Variants in BICC1 observed in about 807,000 individuals in gnomAD.
The protein encoded by BICC1 is BicC family RNA binding protein 1, also known as protein bicaudal C homolog 1.
BICC1 carries 43 observed loss-of-function variants against 111.0 expected under a neutral mutation model. That is an observed-to-expected ratio of 0.39 (90% CI 0.30 to 0.50). BICC1 has a LOEUF of 0.50. BICC1 is among the 20% of genes least tolerant of loss of function. The pLI is 0.88. For missense variants in BICC1, 1,091 were observed against 1,203.2 expected, an observed-to-expected ratio of 0.91 and a Z score of 1.38; for synonymous variants, 467 against 434.4, an observed-to-expected ratio of 1.07 and a Z score of -0.93.
At position 58,830,927 on chromosome 10, in the gene BICC1, A is replaced by C. The variant is rs929101457; in HGVS notation, c.*2036A>C. The stretch of plus-strand genomic sequence containing the variant: ...TACTCTAAATGTTGTTATGCTTTTA[A>C]TAAGACCTTCCCAGATAATAATCTT... On this transcript the variant is annotated 3_prime_UTR_variant, in exon 21 of 21. Coordinates refer to ENST00000373886, the MANE Select transcript of BICC1 (RefSeq NM_001080512.3). 1 of 152,222 alleles carries C rather than the reference A, an allele frequency of 6.6e-6. No individual in the cohort carries two copies. Among genetic ancestry groups the C allele is most frequent in the African/African-American group, 2.4e-5 (1 of 41,458 alleles). The allele number at this position is 152,222 out of a possible 1,614,324, so 9.4% of individuals were successfully genotyped here.
At chr10:58,815,489 C>T (rs1267596676) in intron 18 of BICC1, among the ~76,000 whole-genome samples, 1 of 151,904 alleles carries the variant, frequency 6.6e-6, no homozygotes, top group African/African-American at 2.4e-5. Context: ...TTTGGTGCTT[C>T]TCTTTTTCTA....
At chr10:58,646,386 A>G (rs180720983) in intron 2 of BICC1, among the ~76,000 whole-genome samples, 38 of 152,210 alleles carry the variant, frequency 2.5e-4, no homozygotes, top group African/African-American at 8.4e-4. Flanking sequence ...TAAATGACCT[A>G]TTTGTTTGGG....
At chr10:58,743,426 C>T (rs542499077) in intron 3 of BICC1, among the ~76,000 whole-genome samples, 1 of 151,238 alleles carries the variant, frequency 6.6e-6, no homozygotes, top group Non-Finnish European at 1.5e-5. Context: ...GCCTCTTCCC[C>T]TCTCTCTAAA....
intron 3 of BICC1, among the ~76,000 whole-genome samples, chr10:58,717,564 G>A (rs1353617291): frequency 6.6e-6 from 1 of 152,064 alleles, no homozygotes; most frequent in African/African-American, 2.4e-5. Context: ...TTCTATATAA[G>A]CACGTAAACA....
chr10:58,606,089 C>T (rs889312012), intron 1 of BICC1, among the ~76,000 whole-genome samples: 3 of 152,178 alleles, frequency 2.0e-5, no homozygotes, highest in East Asian at 3.9e-4. Context: ...CTCTTTGAGG[C>T]CTGTTGGCCT....
At chr10:58,804,270 C>CT (rs1297493287) in intron 15 of BICC1, among the ~76,000 whole-genome samples, 1 of 152,144 alleles carries the variant, frequency 6.6e-6, no homozygotes, top group Admixed American at 6.6e-5. Context: ...ATTCTCAGCA[C>CT]TTTCAGAGGC....
chr10:58,798,346 A>G, intron 10 of BICC1, 53 bp from the exon 11 acceptor site: 2 of 1,386,078 alleles, frequency 1.4e-6, no homozygotes, highest in East Asian at 2.5e-5. Context: ...TGCCATCTCT[A>G]TTTTAAAATC....
At chr10:58,809,043 T>C (rs986955997) in intron 17 of BICC1, among the ~76,000 whole-genome samples, 38 of 151,754 alleles carry the variant, frequency 2.5e-4, no homozygotes, top group African/African-American at 8.7e-4. Flanking sequence ...TTTTACTTTA[T>C]TAAGAGTCTC....
intron 1 of BICC1, among the ~76,000 whole-genome samples, chr10:58,619,350 A>G (rs1382915962): frequency 6.6e-6 from 1 of 152,216 alleles, no homozygotes; most frequent in African/African-American, 2.4e-5. Context: ...TGTGTTGGTA[A>G]AAAATACACA....
chr10:58,528,908 C>A (rs1383101021), intron 1 of BICC1, among the ~76,000 whole-genome samples: 1 of 151,888 alleles, frequency 6.6e-6, no homozygotes, highest in Admixed American at 6.6e-5. Context: ...CACACCTGAG[C>A]ATTCACAGCA....
Position 58,750,052 on chromosome 10 carries a change from TAAAG to T in BICC1, c.308-34947_308-34944del, listed in dbSNP as rs139353339. 3.1e-3 allele frequency among the ~76,000 whole-genome samples: 465 copies of T among 152,182 alleles called. 4 individuals are homozygous for T. The highest frequency in any genetic ancestry group is 0.011 in the African/African-American group (456 of 41,542). On this transcript the variant is annotated intron_variant, in intron 3 of 20. Transcript: ENST00000373886. ...TTTGACATGGACTTTGAAGGATAAA[TAAAG>T]ACTCTAGAGCAAAATCTAGAGCAGT...
chr10:58,802,035 C>G (rs1843562522), intron 14 of BICC1, among the ~76,000 whole-genome samples: 1 of 152,182 alleles, frequency 6.6e-6, no homozygotes. Flanking sequence ...TGCCTCCAGT[C>G]TTTTATTAGC....
chr10:58,667,270 A>G (rs1253814265), intron 2 of BICC1, among the ~76,000 whole-genome samples: 4 of 148,068 alleles, frequency 2.7e-5, no homozygotes, highest in African/African-American at 5.0e-5. Context: ...TAGATATACA[A>G]TTTCTCATAG....
intron 1 of BICC1, among the ~76,000 whole-genome samples, chr10:58,616,827 A>G (rs962504025): frequency 1.3e-5 from 2 of 152,246 alleles, no homozygotes; most frequent in Non-Finnish European, 2.9e-5. Flanking sequence ...CTGCAGGGCT[A>G]TGTGCATAGC....
chr10:58,678,322 C>T (rs148330689), intron 2 of BICC1, among the ~76,000 whole-genome samples: 3,286 of 152,206 alleles, frequency 0.022, 49 homozygotes, highest in Non-Finnish European at 0.032. Context: ...CAAAGACACA[C>T]ATAGTCTCAA....
intron 3 of BICC1, among the ~76,000 whole-genome samples, chr10:58,729,624 C>T (rs1450926071): frequency 6.6e-6 from 1 of 152,144 alleles, no homozygotes; most frequent in African/African-American, 2.4e-5. Flanking sequence ...ACAGGTTTTA[C>T]AGAAGGTATG....
intron 2 of BICC1, among the ~76,000 whole-genome samples, chr10:58,676,691 C>G (rs1433507607): frequency 2.6e-5 from 4 of 152,204 alleles, no homozygotes; most frequent in Admixed American, 1.3e-4. Context: ...AGCGTTCAAG[C>G]TCTGCTAAGG....
At chr10:58,766,631 T>C (rs932477019) in intron 3 of BICC1, among the ~76,000 whole-genome samples, 1 of 152,032 alleles carries the variant, frequency 6.6e-6, no homozygotes, top group African/African-American at 2.4e-5. Context: ...CAAGAGTACC[T>C]TTGTGGGAGT....
chr10:58,637,826 C>T (rs1247253997), intron 2 of BICC1, among the ~76,000 whole-genome samples: 2 of 152,000 alleles, frequency 1.3e-5, no homozygotes, highest in African/African-American at 2.4e-5. Context: ...AGTGGCATAA[C>T]TTATAAATTG....
Sources: allele counts gnomAD v4.1 joint callset (sites outside exome capture counted in the v4.1 genomes callset), GRCh38; gene constraint gnomAD v4.1.1; transcripts MANE v1.5; gene names NCBI Gene and HGNC (gene_info 2026-07-23, HGNC 2026-07-21).